The following ARHGAP6 variants were observed in gnomAD, a reference collection of about 807,000 sequenced individuals.
ARHGAP6 encodes rho GTPase-activating protein 6.
Under a neutral mutation model 55.7 loss-of-function variants are expected in ARHGAP6, and 16 were observed. The ratio of observed to expected loss-of-function variants is 0.29; its 90% confidence interval spans 0.19 to 0.44. The LOEUF (loss-of-function observed/expected upper bound fraction) is 0.44, where lower values mean the gene tolerates loss of function less well. ARHGAP6 is among the 20% of genes least tolerant of loss of function. The probability of loss-of-function intolerance (pLI) is 1.00; values close to 1 mark genes in which losing one functional copy is unlikely to be tolerated. For synonymous variants in ARHGAP6, 382 were observed against 360.9 expected (o/e 1.06, Z -0.66); for missense variants, 698 against 808.9 (o/e 0.86, Z 1.66).
intron 1 of ARHGAP6, among the ~76,000 whole-genome samples, chrX:11,479,018 A>G (rs1426476186): frequency 1.8e-5 from 2 of 112,209 alleles, no homozygotes; most frequent in Non-Finnish European, 3.8e-5. Flanking sequence ...CAGGCAGGCA[A>G]TGGGGCTATT....
chrX:11,436,144 C>A (rs1569343496), intron 1 of ARHGAP6, among the ~76,000 whole-genome samples: 1 of 112,180 alleles, frequency 8.9e-6, no homozygotes, highest in Non-Finnish European at 1.9e-5. Context: ...GCCTTCTTAC[C>A]CAGAAAATAA....
Position 11,244,189 on chromosome X carries a change from T to G in ARHGAP6, c.748+10359A>C, listed in dbSNP as rs72612846. 2.3e-3 allele frequency among the ~76,000 whole-genome samples: 253 copies of G among 112,098 alleles called. 8 individuals carry two copies. In the East Asian group the frequency reaches 0.059, roughly 26 times the overall value. On this transcript the variant is annotated intron_variant, in intron 2 of 12. Transcript: ENST00000337414. The stretch of plus-strand genomic sequence containing the variant: ...AAAATAACAATGAATTACTATAATA[T>G]TAATTTCAAATTAGGGGTTGGCAAG...
At chrX:11,206,400 T>C (rs1207696311) in intron 2 of ARHGAP6, among the ~76,000 whole-genome samples, 3 of 111,459 alleles carry the variant, frequency 2.7e-5, no homozygotes, top group Non-Finnish European at 5.6e-5. Context: ...GCCCTTGACC[T>C]CCCAAGATTT....
intron 1 of ARHGAP6, among the ~76,000 whole-genome samples, chrX:11,424,517 A>G (rs980122729): frequency 7.2e-5 from 8 of 111,636 alleles, no homozygotes; most frequent in Non-Finnish European, 1.3e-4. Flanking sequence ...TCCCATCCAA[A>G]CTAAGTCTGA....
chrX:11,228,637 A>C (rs1278497766), intron 2 of ARHGAP6, among the ~76,000 whole-genome samples: 1 of 112,448 alleles, frequency 8.9e-6, no homozygotes, highest in Non-Finnish European at 1.9e-5. Flanking sequence ...CTGCATATTT[A>C]ATCTTAAAAA....
At chrX:11,253,256 G>A (rs749392815) in intron 2 of ARHGAP6, among the ~76,000 whole-genome samples, 15 of 111,100 alleles carry the variant, frequency 1.4e-4, no homozygotes, top group African/African-American at 4.9e-4. Context: ...GGCATGGGGA[G>A]CAAAATCAAC....
intron 1 of ARHGAP6, among the ~76,000 whole-genome samples, chrX:11,625,309 GTATATGTA>G (rs902000910): frequency 2.4e-5 from 2 of 84,941 alleles, no homozygotes; most frequent in African/African-American, 7.2e-5. Context: ...GTGTGTGTGT[GTATATGTA>G]TATATGTTTA....
At chrX:11,348,464 A>G (rs1271130517) in intron 1 of ARHGAP6, among the ~76,000 whole-genome samples, 1 of 111,452 alleles carries the variant, frequency 9.0e-6, no homozygotes, top group Non-Finnish European at 1.9e-5. Flanking sequence ...CTTTGTCTGT[A>G]TCAGTTCTTT....
At chrX:11,651,224 A>C (rs1415247498) in intron 1 of ARHGAP6, among the ~76,000 whole-genome samples, 1 of 111,424 alleles carries the variant, frequency 9.0e-6, no homozygotes, top group East Asian at 2.8e-4. Context: ...TATACAGATT[A>C]TTTCATCACC....
chrX:11,303,610 T>C (rs5933872), intron 1 of ARHGAP6, among the ~76,000 whole-genome samples: 37,476 of 110,988 alleles, frequency 0.34, 5,561 homozygotes, highest in African/African-American at 0.57. Flanking sequence ...ATGAACGATA[T>C]TAAAATCTCA....
At chrX:11,288,428 T>G (rs193086863) in intron 1 of ARHGAP6, among the ~76,000 whole-genome samples, 2 of 112,472 alleles carry the variant, frequency 1.8e-5, no homozygotes, top group East Asian at 5.6e-4. Context: ...ATATTTTACA[T>G]AATGTATAAA....
intron 9 of ARHGAP6, among the ~76,000 whole-genome samples, chrX:11,160,981 A>AT (rs997270663): frequency 2.4e-4 from 27 of 112,828 alleles, no homozygotes; most frequent in African/African-American, 8.7e-4. Flanking sequence ...TATATAATTC[A>AT]TTAGTTTATT....
intron 1 of ARHGAP6, among the ~76,000 whole-genome samples, chrX:11,295,875 A>T (rs2048076722): frequency 8.9e-6 from 1 of 111,850 alleles, no homozygotes; most frequent in Non-Finnish European, 1.9e-5. Flanking sequence ...AAATGAGGCC[A>T]ATGTCTGAGG....
chrX:11,415,299 T>C (rs1346266666), intron 1 of ARHGAP6, among the ~76,000 whole-genome samples: 1 of 111,545 alleles, frequency 9.0e-6, no homozygotes, highest in Non-Finnish European at 1.9e-5. Context: ...AGTCTATTTC[T>C]ATATTCCCTT....
chrX:11,147,644 T>C (rs1266095600), intron 10 of ARHGAP6, among the ~76,000 whole-genome samples: 4 of 112,976 alleles, frequency 3.5e-5, no homozygotes, highest in Non-Finnish European at 5.6e-5. Context: ...TGGAAGCTAT[T>C]GTAAAAGCAG....
At chrX:11,375,172 A>G (rs2049186454) in intron 1 of ARHGAP6, among the ~76,000 whole-genome samples, 1 of 112,163 alleles carries the variant, frequency 8.9e-6, no homozygotes, top group Admixed American at 9.5e-5. Flanking sequence ...GAGCAAATGT[A>G]TAACTTAGAT....
chrX:11,554,965 A>G (rs1450576983), intron 1 of ARHGAP6, among the ~76,000 whole-genome samples: 1 of 112,322 alleles, frequency 8.9e-6, no homozygotes, highest in Non-Finnish European at 1.9e-5. Flanking sequence ...ATAAGCATTT[A>G]CTGAACAACT....
chrX:11,386,493 C>A (rs770882736), intron 1 of ARHGAP6, among the ~76,000 whole-genome samples: 4 of 111,252 alleles, frequency 3.6e-5, no homozygotes, highest in African/African-American at 1.3e-4. Context: ...CTAGACGTGA[C>A]GAGATGCCTG....
At chrX:11,317,103 G>A (rs935771859) in intron 1 of ARHGAP6, among the ~76,000 whole-genome samples, 4 of 112,567 alleles carry the variant, frequency 3.6e-5, no homozygotes, top group African/African-American at 1.3e-4. Context: ...AAAGCCTTTT[G>A]TACTATAGGC....
Sources: allele counts gnomAD v4.1 joint callset (sites outside exome capture counted in the v4.1 genomes callset), GRCh38; gene constraint gnomAD v4.1.1; transcripts MANE v1.5; gene names NCBI Gene and HGNC (gene_info 2026-07-23, HGNC 2026-07-21).